DOCK3: variants seen among roughly 807,000 people sequenced by gnomAD.
DOCK3 encodes dedicator of cytokinesis protein 3.
DOCK3 carries 60 observed loss-of-function variants against 265.6 expected under a neutral mutation model. The ratio of observed to expected loss-of-function variants is 0.23; its 90% CI spans 0.18 to 0.28. The LOEUF (loss-of-function observed/expected upper bound fraction) is 0.28, where lower values mean the gene tolerates loss of function less well. DOCK3 is among the 10% of genes least tolerant of loss of function. DOCK3 has a pLI of 1.00. For synonymous variants in DOCK3, 881 were observed against 938.0 expected (o/e 0.94, Z 1.11); for missense variants, 1,981 against 2,594.3 (o/e 0.76, Z 5.14).
intron 12 of DOCK3, among the ~76,000 whole-genome samples, chr3:51,181,487 A>G (rs1170304269): frequency 6.6e-6 from 1 of 152,026 alleles, no homozygotes; most frequent in Non-Finnish European, 1.5e-5. Flanking sequence ...TTATGGCTGC[A>G]TGGTATTCCA....
rs1216231235 is a variant in DOCK3 at position 51,359,572 on chromosome 3, A to G, written c.4885-939A>G. Among the ~76,000 whole-genome samples, 3 of 152,224 alleles carry G rather than the reference A, an allele frequency of 2.0e-5. No individual in the cohort carries two copies. The highest frequency in any genetic ancestry group is 2.1e-4 in the South Asian group (1 of 4,822). Reference sequence around the variant, plus strand: ...GTTTGACTGGTCTCTGCTGTGTGCAAACTTCCCCATCACAGCAGGTGACCC... The same window carrying G: ...GTTTGACTGGTCTCTGCTGTGTGCAGACTTCCCCATCACAGCAGGTGACCC... On this transcript the variant is annotated intron_variant, in intron 46 of 52. Transcript: ENST00000266037. The surrounding 1 kb of genome is among the most constrained non-coding windows in gnomAD (Gnocchi z 4.8).
At chr3:51,220,685 A>ATG (rs1188634968) in intron 14 of DOCK3, among the ~76,000 whole-genome samples, 92 of 38,994 alleles carry the variant, frequency 2.4e-3, no homozygotes, top group African/African-American at 7.2e-3. Flanking sequence ...ATATATATAT[A>ATG]TATGTGTGTG....
At chr3:50,859,465 C>T (rs569875280) in intron 3 of DOCK3, among the ~76,000 whole-genome samples, 1 of 152,020 alleles carries the variant, frequency 6.6e-6, no homozygotes. Flanking sequence ...ATCCACCCCC[C>T]TCGGCCTCCC....
chr3:51,087,771 A>G (rs1468183982), intron 7 of DOCK3, among the ~76,000 whole-genome samples: 4 of 152,196 alleles, frequency 2.6e-5, no homozygotes, highest in Admixed American at 2.0e-4. Context: ...TGATATACTG[A>G]TATACTTAGA....
At chr3:51,187,441 G>A (rs556640477) in intron 12 of DOCK3, among the ~76,000 whole-genome samples, 109 of 152,306 alleles carry the variant, frequency 7.2e-4, no homozygotes, top group African/African-American at 2.6e-3. Flanking sequence ...TGGCAGAGAT[G>A]AGACCTTGGG....
At chr3:50,950,648 G>C (rs1172992265) in intron 5 of DOCK3, among the ~76,000 whole-genome samples, 2 of 152,032 alleles carry the variant, frequency 1.3e-5, no homozygotes, top group Non-Finnish European at 2.9e-5. Context: ...TTCTAGGAGA[G>C]TACCTACCTT....
At position 51,374,072 on chromosome 3, in the gene DOCK3, A is replaced by G. The variant is rs1480740371; in HGVS notation, c.5294-397A>G. ...TCTCTGTCTCTGTGTGAGTGTCTCC[A>G]TTGCAAGCTGGCCTGTTCCCATGCC... is the stretch of plus-strand genomic sequence containing the variant. On this transcript the variant is annotated intron_variant, in intron 49 of 52. Transcript: ENST00000266037. This position sits in a 1 kb window ranked among gnomAD's most constrained non-coding sequence, Gnocchi z 4.8. Among the ~76,000 whole-genome samples the G allele has an allele frequency of 2.6e-5, 4 of 152,266 alleles. No individual in the cohort carries two copies. In the East Asian group the frequency reaches 7.7e-4, roughly 29 times the overall value.
At chr3:51,124,086 G>A (rs1417064594) in intron 9 of DOCK3, among the ~76,000 whole-genome samples, 1 of 152,172 alleles carries the variant, frequency 6.6e-6, no homozygotes, top group Non-Finnish European at 1.5e-5. Flanking sequence ...AGGAATGCCT[G>A]TACCAGAGAG....
At chr3:50,769,124 A>G (rs2041108455) in intron 1 of DOCK3, among the ~76,000 whole-genome samples, 1 of 151,318 alleles carries the variant, frequency 6.6e-6, no homozygotes, top group African/African-American at 2.4e-5. Flanking sequence ...TCTGGATATT[A>G]ACATCCCTTG....
intron 23 of DOCK3, among the ~76,000 whole-genome samples, chr3:51,270,245 C>T (rs2080426917): frequency 6.6e-6 from 1 of 152,154 alleles, no homozygotes; most frequent in Non-Finnish European, 1.5e-5. Context: ...TTGAGACTAC[C>T]AGGCATCACT....
intron 1 of DOCK3, among the ~76,000 whole-genome samples, chr3:50,691,134 A>T (rs1299817645): frequency 6.6e-6 from 1 of 151,688 alleles, no homozygotes; most frequent in Non-Finnish European, 1.5e-5. Context: ...TACAAAAAAA[A>T]TTAGCCAGGT....
chr3:51,252,060 A>G (rs2079276807), intron 22 of DOCK3, among the ~76,000 whole-genome samples: 1 of 152,214 alleles, frequency 6.6e-6, no homozygotes, highest in Admixed American at 6.5e-5. Context: ...GAAGGGATCC[A>G]GTTTCAGCTT....
At chr3:50,918,376 A>G (rs2050245597) in intron 4 of DOCK3, among the ~76,000 whole-genome samples, 1 of 152,150 alleles carries the variant, frequency 6.6e-6, no homozygotes, top group Non-Finnish European at 1.5e-5. Context: ...AGTCCCACCA[A>G]CAGTGTAAGA....
chr3:50,889,051 T>A (rs1287180954), intron 3 of DOCK3, among the ~76,000 whole-genome samples: 1 of 148,288 alleles, frequency 6.7e-6, no homozygotes, highest in East Asian at 2.0e-4. Context: ...GAGTATAAAA[T>A]ATATTTAAGC....
intron 5 of DOCK3, among the ~76,000 whole-genome samples, chr3:51,047,840 C>T (rs976214595): frequency 2.0e-5 from 3 of 152,016 alleles, no homozygotes; most frequent in Non-Finnish European, 2.9e-5. Context: ...TCCTTGTTAA[C>T]GCTTATAAAA....
chr3:51,380,112 G>T lies in DOCK3; in HGVS notation c.5501-13G>T. The T allele has an allele frequency of 1.2e-6, 2 of 1,611,840 alleles. No individual in the cohort carries two copies. Among genetic ancestry groups the T allele is most frequent in the Non-Finnish European group, 1.7e-6 (2 of 1,178,604 alleles). ...GGCCCCCAGCTGAGGCTCTGGTTCT[G>T]TTCCCTTTGCAGGTCATTACTCCCT... On this transcript the variant is annotated splice_polypyrimidine_tract_variant and intron_variant, in intron 51 of 52. Coordinates refer to ENST00000266037, the MANE Select transcript of DOCK3 (RefSeq NM_004947.5).
intron 22 of DOCK3, among the ~76,000 whole-genome samples, chr3:51,259,817 G>GA (rs759381623): frequency 5.3e-5 from 8 of 151,474 alleles, no homozygotes; most frequent in Non-Finnish European, 7.4e-5. Flanking sequence ...TTCCAGACCT[G>GA]AAAAAAAATA....
At chr3:51,338,888 A>G (rs539250650) in intron 36 of DOCK3, 47 bp from the exon 37 acceptor site, 36 of 1,506,160 alleles carry the variant, frequency 2.4e-5, no homozygotes, top group Non-Finnish European at 3.1e-5. Context: ...GAGCTTGGCT[A>G]TGGCTTCCAC....
chr3:50,888,203 T>C (rs934605886), intron 3 of DOCK3, among the ~76,000 whole-genome samples: 1 of 152,074 alleles, frequency 6.6e-6, no homozygotes, highest in Non-Finnish European at 1.5e-5. Context: ...ACAAGCATTC[T>C]TATACACCAA....
Sources: allele counts gnomAD v4.1 joint callset (sites outside exome capture counted in the v4.1 genomes callset), GRCh38; gene constraint gnomAD v4.1.1; non-coding constraint Gnocchi (gnomAD v3.1); transcripts MANE v1.5; gene names NCBI Gene and HGNC (gene_info 2026-07-23, HGNC 2026-07-21).